The following FRMD3 variants were observed in gnomAD, a reference collection of about 807,000 sequenced individuals.
The protein encoded by FRMD3 is FERM domain containing 3.
Under a neutral mutation model 70.2 loss-of-function variants are expected in FRMD3, and 33 were observed. The ratio of observed to expected loss-of-function variants is 0.47; its 90% CI spans 0.36 to 0.63. The LOEUF (loss-of-function observed/expected upper bound fraction) is 0.63, where lower values mean the gene tolerates loss of function less well. Ranked by LOEUF, FRMD3 falls within the 20% of genes least tolerant of loss-of-function variation. The pLI, the probability that FRMD3 is intolerant of heterozygous loss-of-function variation, is 0.00. For synonymous variants in FRMD3, 279 were observed against 255.9 expected (o/e 1.09, Z -0.86); for missense variants, 632 against 711.4 (o/e 0.89, Z 1.27).
At chr9:83,409,357 T>C (rs992088565) in intron 1 of FRMD3, among the ~76,000 whole-genome samples, 16 of 152,330 alleles carry the variant, frequency 1.1e-4, no homozygotes, top group Middle Eastern at 3.4e-3. Context: ...TTTATCAAAC[T>C]GGTCTTTTAT....
At position 83,532,766 on chromosome 9, in the gene FRMD3, G is replaced by A. The variant is rs556869687; in HGVS notation, c.147+5319C>T. Among the ~76,000 whole-genome samples, 6 of 151,216 alleles carry A rather than the reference G, an allele frequency of 4.0e-5. 1 individual carries two copies. The highest frequency in any genetic ancestry group is 1.5e-4 in the African/African-American group (6 of 41,016). Reference sequence around the variant, plus strand: ...GGGCATGGGCATATGATCCAATCCAGGCCAATGGAATCTGATGGGAAAACT... The same window carrying A: ...GGGCATGGGCATATGATCCAATCCAAGCCAATGGAATCTGATGGGAAAACT... On this transcript the variant is annotated intron_variant, in intron 1 of 13. Coordinates refer to ENST00000304195, the MANE Select transcript of FRMD3 (RefSeq NM_174938.6).
At chr9:83,256,939 C>T (rs1405377939) in intron 13 of FRMD3, among the ~76,000 whole-genome samples, 1 of 152,122 alleles carries the variant, frequency 6.6e-6, no homozygotes, top group African/African-American at 2.4e-5. Flanking sequence ...TAAATTGGTT[C>T]AACTATTGTG....
intron 1 of FRMD3, among the ~76,000 whole-genome samples, chr9:83,460,725 T>TTTCCA (rs1485917232): frequency 6.6e-6 from 1 of 152,250 alleles, no homozygotes; most frequent in Non-Finnish European, 1.5e-5. Flanking sequence ...AAAAGACTAA[T>TTTCCA]TTCCATCCTT....
rs551718763 is a variant in FRMD3, at chr9:83,377,487, GT to G, written c.253-4533del. On this transcript the variant is annotated intron_variant, in intron 2 of 13. Transcript: ENST00000304195. ...TGAACCGTAATCCCCAATGTTGGAGGTGGGGCCTGATGGGGAGTGATTGGAT... is the reference window on the plus strand; with the variant it reads ...TGAACCGTAATCCCCAATGTTGGAGGGGGGCCTGATGGGGAGTGATTGGAT... Among the ~76,000 whole-genome samples, 330 of 152,124 alleles carry G rather than the reference GT, an allele frequency of 2.2e-3. 1 individual carries two copies. Among genetic ancestry groups the G allele is most frequent in the African/African-American group, 7.7e-3 (319 of 41,410 alleles).
intron 1 of FRMD3, among the ~76,000 whole-genome samples, chr9:83,477,483 A>G (rs1828428335): frequency 6.6e-6 from 1 of 152,116 alleles, no homozygotes; most frequent in South Asian, 2.1e-4. Flanking sequence ...TTCTGATTTA[A>G]TGAGTCTGCA....
chr9:83,301,538 A>AC (rs1554684030), intron 10 of FRMD3, among the ~76,000 whole-genome samples: 5 of 151,812 alleles, frequency 3.3e-5, no homozygotes, highest in African/African-American at 1.2e-4. Flanking sequence ...AAAAAAAAAA[A>AC]GATTGAGTTT....
intron 1 of FRMD3, among the ~76,000 whole-genome samples, chr9:83,454,654 C>A (rs1827767417): frequency 6.6e-6 from 1 of 152,134 alleles, no homozygotes; most frequent in Non-Finnish European, 1.5e-5. Context: ...TCTTACCCAC[C>A]AGAAAGGTTG....
chr9:83,581,921 G>T, the FRMD3 span, among the ~76,000 whole-genome samples: 1 of 152,134 alleles, frequency 6.6e-6, no homozygotes, highest in Admixed American at 6.6e-5. Context: ...TGGGTACATG[G>T]TTTCATGTTA....
chr9:83,459,483 G>A (rs1338313773), intron 1 of FRMD3, among the ~76,000 whole-genome samples: 2 of 152,172 alleles, frequency 1.3e-5, no homozygotes, highest in African/African-American at 4.8e-5. Context: ...CATGTACCTC[G>A]CAGCCTCGGT....
chr9:83,277,959 A>G (rs918172704), intron 13 of FRMD3, among the ~76,000 whole-genome samples: 47 of 152,194 alleles, frequency 3.1e-4, no homozygotes, highest in Non-Finnish European at 2.2e-4. Context: ...GCAGTCAACA[A>G]ACAGGAAGAC....
At chr9:83,511,229 C>T (rs763386130) in intron 1 of FRMD3, among the ~76,000 whole-genome samples, 15 of 152,144 alleles carry the variant, frequency 9.9e-5, no homozygotes, top group Admixed American at 2.0e-4. Flanking sequence ...ATAAACAGAA[C>T]CTGAGTCATT....
intron 13 of FRMD3, among the ~76,000 whole-genome samples, chr9:83,267,882 T>C (rs189264596): frequency 1.2e-3 from 189 of 152,336 alleles, no homozygotes; most frequent in African/African-American, 4.3e-3. Context: ...GTTGCTGTCA[T>C]GGTAATCTCA....
intron 3 of FRMD3, among the ~76,000 whole-genome samples, chr9:83,354,666 A>C (rs1290963638): frequency 6.6e-6 from 1 of 152,198 alleles, no homozygotes; most frequent in African/African-American, 2.4e-5. Context: ...AGTTAAAAAG[A>C]AATTCTGTCT....
At chr9:83,324,824 G>A (rs1335585320) in intron 6 of FRMD3, among the ~76,000 whole-genome samples, 1 of 152,130 alleles carries the variant, frequency 6.6e-6, no homozygotes, top group Non-Finnish European at 1.5e-5. Flanking sequence ...AGGTCAATTG[G>A]CATTTGCCCT....
At chr9:83,582,052 G>A in the FRMD3 span, among the ~76,000 whole-genome samples, 1 of 152,178 alleles carries the variant, frequency 6.6e-6, no homozygotes, top group Non-Finnish European at 1.5e-5. Context: ...TCAAAAGGTT[G>A]TCATAAGTAA....
At chr9:83,387,224 T>A (rs1242700749) in intron 2 of FRMD3, among the ~76,000 whole-genome samples, 3 of 152,240 alleles carry the variant, frequency 2.0e-5, no homozygotes, top group Non-Finnish European at 4.4e-5. Flanking sequence ...TCTACATTTA[T>A]TAATTAAAAT....
At chr9:83,290,831 A>T in intron 12 of FRMD3, 104 bp from the exon 13 acceptor site, 1 of 1,159,146 alleles carries the variant, frequency 8.6e-7, no homozygotes, top group Admixed American at 2.4e-5. Flanking sequence ...ACAGGGAACT[A>T]CCTCCAGACA....
At chr9:83,520,566 T>C (rs1399406407) in intron 1 of FRMD3, among the ~76,000 whole-genome samples, 1 of 152,176 alleles carries the variant, frequency 6.6e-6, no homozygotes, top group South Asian at 2.1e-4. Context: ...TAAATAGCTA[T>C]GAAAATTCAG....
At chr9:83,359,553 T>C (rs1217638045) in intron 3 of FRMD3, among the ~76,000 whole-genome samples, 1 of 152,120 alleles carries the variant, frequency 6.6e-6, no homozygotes, top group African/African-American at 2.4e-5. Context: ...GAGTTTTCTG[T>C]CTCAACGACT....
Sources: allele counts gnomAD v4.1 joint callset (sites outside exome capture counted in the v4.1 genomes callset), GRCh38; gene constraint gnomAD v4.1.1; transcripts MANE v1.5; gene names NCBI Gene and HGNC (gene_info 2026-07-23, HGNC 2026-07-21).